The following UBE4A variants were observed in gnomAD, a reference collection of about 807,000 sequenced individuals.
UBE4A encodes the protein ubiquitin conjugation factor E4 A.
A neutral mutation model predicts 117.9 loss-of-function variants in UBE4A; 48 were observed. The observed-to-expected ratio is 0.41, with a 90% confidence interval of 0.32 to 0.52. The LOEUF is 0.52. UBE4A is among the 20% of genes least tolerant of loss of function. UBE4A has a pLI of 0.33. For synonymous variants in UBE4A, 407 were observed against 450.0 expected, an observed-to-expected ratio of 0.90 and a Z score of 1.21; for missense variants, 1,067 against 1,296.3, an observed-to-expected ratio of 0.82 and a Z score of 2.72.
Position 118,398,967 on chromosome 11 carries a change from A to G in UBE4A, c.*2527A>G, listed in dbSNP as rs1331558884. 1.1e-5 allele frequency: 5 copies of G among 446,752 alleles called. No individual in the cohort carries two copies. The highest frequency in any genetic ancestry group is 1.4e-4 in the East Asian group (2 of 14,122). The allele number at this position is 446,752 out of a possible 1,614,324, so 27.7% of individuals were successfully genotyped here. ...CAGCCATTGCACAGAGCATAAGTCT[A>G]CTGGGTGCCTTTACATGCCAGAGGC... On this transcript the variant is annotated 3_prime_UTR_variant, in exon 20 of 20. Coordinates refer to ENST00000252108, the MANE Select transcript of UBE4A (RefSeq NM_001204077.2).
At chr11:118,390,437 AATT>A (rs1414640578) in intron 17 of UBE4A, among the ~76,000 whole-genome samples, 1 of 145,938 alleles carries the variant, frequency 6.9e-6, no homozygotes, top group South Asian at 2.1e-4. Flanking sequence ...AATTTTATAT[AATT>A]ATAATAAAAT....
At chr11:118,365,897 C>T (rs1948558802) in intron 2 of UBE4A, among the ~76,000 whole-genome samples, 1 of 152,184 alleles carries the variant, frequency 6.6e-6, no homozygotes, top group African/African-American at 2.4e-5. Context: ...GAGACATATA[C>T]ACTAGAAGAA....
Position 118,372,623 on chromosome 11 carries a change from T to G in UBE4A, c.678T>G (p.His226Gln). ...TPEIYVDQNI[H>Q]EQLVDLMLEA... ...AGATCTATGTTGACCAAAACATCCATGAGCAACTGGTAGATTTGATGTTAG... is the reference window on the plus strand; with the variant it reads ...AGATCTATGTTGACCAAAACATCCAGGAGCAACTGGTAGATTTGATGTTAG... The change falls in exon 6 of 20, where the codon CAT becomes CAG. Residue 226 changes from histidine to glutamine, a missense_variant. His to Gln is a conservative substitution (Grantham distance 24). This residue lies in a region of UBE4A where 1,001 missense variants were observed against 1,184.0 expected (regional missense o/e 0.85). Transcript: ENST00000252108. 1 of 1,614,198 alleles carries G rather than the reference T, an allele frequency of 6.2e-7. No homozygotes were observed. Among genetic ancestry groups the G allele is most frequent in the Non-Finnish European group, 8.5e-7 (1 of 1,180,034 alleles).
Position 118,373,150 on chromosome 11 carries a change from T to C in UBE4A, c.786T>C (p.Val262=), listed in dbSNP as rs745505890. 2.5e-6 allele frequency: 4 copies of C among 1,614,118 alleles called. No individual in the cohort carries two copies. The highest frequency in any genetic ancestry group is 3.4e-6 in the Non-Finnish European group (4 of 1,180,016). The change falls in exon 7 of 20, where the codon GTT becomes GTC. Residue 262 remains valine (V), a synonymous_variant. Transcript: ENST00000252108. ...AAGCCTTGATATTGGATGAGGAAGT[T>C]AGAACATTTCCAGAAGTCATGATTC... ...VIEALILDEE[V]RTFPEVMIPV...
rs868996016 is a variant in UBE4A, at chr11:118,396,074, G to A, written c.3075-240G>A. 3.3e-4 allele frequency among the ~76,000 whole-genome samples: 48 copies of A among 146,716 alleles called. No individual in the cohort carries two copies. In the East Asian group the frequency reaches 8.8e-3, roughly 27 times the overall value. On this transcript the variant is annotated intron_variant, in intron 19 of 19. Transcript: ENST00000252108. ...TGGGTGCCACTGCACCAGCCTGGGC[G>A]ACAGGGCAAGACTGTCTCCAAAAAA...
intron 15 of UBE4A, among the ~76,000 whole-genome samples, chr11:118,385,841 G>A (rs59659089): frequency 1.9e-3 from 282 of 152,324 alleles, no homozygotes; most frequent in African/African-American, 6.6e-3. Flanking sequence ...CTTCAAAAGC[G>A]AGAATAGGTC....
Position 118,375,687 on chromosome 11 carries a change from G to GA in UBE4A, c.1450+469dup, listed in dbSNP as rs782817548. Among the ~76,000 whole-genome samples the GA allele has an allele frequency of 4.0e-3, 573 of 144,712 alleles. 3 individuals are homozygous for GA. The highest frequency in any genetic ancestry group is 0.013 in the African/African-American group (500 of 39,732). The allele number at this position is 144,712 out of a possible 152,430, so 94.9% of individuals were successfully genotyped here. A position where few individuals can be genotyped will look rare whatever the true frequency, so the allele number is the denominator to read the frequency against. On this transcript the variant is annotated intron_variant, in intron 9 of 19. Transcript: ENST00000252108. ...ATTTTTAAAAGACAGATGTTTGAGA[G>GA]AAAAAAAAAAACACCTGGTAGCTTT...
At position 118,389,776 on chromosome 11, in the gene UBE4A, T is replaced by C. The variant is rs1555127920; in HGVS notation, c.2639T>C (p.Met880Thr). ...TTCCTGGCTGAGCGCATCATCTCCA[T>C]GTTGAACTACTTCCTGCAACACCTG... The part of the protein sequence containing the change: ...HPFLAERIIS[M>T]LNYFLQHLVG... Residue 880 changes from methionine (M) to threonine (T), a missense_variant, in exon 17 of 20, where the codon ATG becomes ACG. Physicochemically the swap from Met to Thr is moderately conservative, Grantham distance 81 (BLOSUM62 -1). Transcript: ENST00000252108. The C allele has an allele frequency of 1.9e-6, 3 of 1,613,818 alleles. No homozygotes were observed. Among genetic ancestry groups the C allele is most frequent in the African/African-American group, 2.7e-5 (2 of 74,916 alleles).
chr11:118,392,612 G>A (rs1948829740), intron 18 of UBE4A, 126 bp from the exon 19 acceptor site: 2 of 851,842 alleles, frequency 2.3e-6, no homozygotes, highest in Non-Finnish European at 3.5e-6. Flanking sequence ...GTGTGTCACT[G>A]TCACTGTCAA....
intron 2 of UBE4A, among the ~76,000 whole-genome samples, chr11:118,366,075 A>AC (rs1173481175): frequency 2.7e-5 from 4 of 150,034 alleles, no homozygotes; most frequent in Non-Finnish European, 5.9e-5. Context: ...AAAAAAAAAA[A>AC]CACTCAGGTG....
rs775074327 is a variant in UBE4A, at chr11:118,369,548, C to A, written c.408+13C>A. 9 of 1,603,244 alleles carry A rather than the reference C, an allele frequency of 5.6e-6. No individual in the cohort carries two copies. Among genetic ancestry groups the A allele is most frequent in the Admixed American group, 3.3e-5 (2 of 59,938 alleles). On this transcript the variant is annotated intron_variant, in intron 4 of 19. Transcript: ENST00000252108. ...CAATGTTGAGCAGGTAATATTCTTA[C>A]GTTCCTAATGTGTGCCCTTAGCAAA... is the stretch of plus-strand genomic sequence containing the variant.
At chr11:118,384,570 A>T in intron 13 of UBE4A, 65 bp from the exon 14 acceptor site, 1 of 1,444,802 alleles carries the variant, frequency 6.9e-7, no homozygotes, top group East Asian at 2.3e-5. Flanking sequence ...ATGGCTACAC[A>T]TAAGCATAAA....
Position 118,379,588 on chromosome 11 carries a change from A to C in UBE4A, c.1714A>C (p.Lys572Gln). ...ACTGATGACCATCTATCTTTCTACC[A>C]AGACTGCCATGACAGAGCCACAAAT... ...ERLMTIYLST[K>Q]TAMTEPQMLQ... Residue 572 changes from lysine (K) to glutamine (Q), a missense_variant, in exon 11 of 20, where the codon AAG becomes CAG. Coordinates refer to ENST00000252108, the MANE Select transcript of UBE4A (RefSeq NM_001204077.2). 6.2e-7 allele frequency: 1 copy of C among 1,614,200 alleles called. No homozygotes were observed. Among genetic ancestry groups the C allele is most frequent in the Non-Finnish European group, 8.5e-7 (1 of 1,180,022 alleles).
chr11:118,372,949 A>G (rs1332917157), intron 6 of UBE4A, 137 bp from the exon 7 acceptor site: 2 of 883,964 alleles, frequency 2.3e-6, no homozygotes, highest in Admixed American at 5.8e-5. Context: ...TAGCCACTAC[A>G]CTCCAGGCTG....
At chr11:118,383,582 C>A (rs1948726356) in intron 13 of UBE4A, among the ~76,000 whole-genome samples, 1 of 144,572 alleles carries the variant, frequency 6.9e-6, no homozygotes, top group East Asian at 2.0e-4. Context: ...AGCAAGAAAT[C>A]CCTCTCAAAA....
chr11:118,365,338 C>G, intron 2 of UBE4A, 137 bp downstream of exon 2: 1 of 1,292,414 alleles, frequency 7.7e-7, no homozygotes. Context: ...TTGTTGAGAG[C>G]AGAAATTGGG....
chr11:118,390,687 C>T lies in UBE4A; in HGVS notation c.2799C>T (p.Pro933=). The T allele has an allele frequency of 6.4e-7, 1 of 1,551,612 alleles. No individual in the cohort carries two copies. The highest frequency in any genetic ancestry group is 8.7e-7 in the Non-Finnish European group (1 of 1,152,312). ...GDEENFCATV[P]KDGRSYSPTL... ...AGGAGAATTTCTGTGCCACTGTGCC[C>T]AAGGATGGACGTTCCTATTCCCCAA... is the stretch of plus-strand genomic sequence containing the variant. The change falls in exon 18 of 20, where the codon CCC becomes CCT. Residue 933 remains proline, a synonymous_variant. Transcript: ENST00000252108.
chr11:118,364,857 G>C (rs1232188293), intron 1 of UBE4A, among the ~76,000 whole-genome samples, 183 bp from the exon 2 acceptor site: 2 of 152,274 alleles, frequency 1.3e-5, no homozygotes, highest in East Asian at 3.9e-4. Flanking sequence ...ACCGAGTCCA[G>C]CTGGTAGGTT....
At chr11:118,384,776 C>T (rs782072719) in intron 14 of UBE4A, 41 bp downstream of exon 14, 20 of 1,609,918 alleles carry the variant, frequency 1.2e-5, no homozygotes, top group Admixed American at 5.0e-5. Flanking sequence ...TTATATAAGC[C>T]CTAATGAGTT....
Sources: gnomAD v4.1 joint callset for allele counts (sites outside exome capture counted in the v4.1 genomes callset) on GRCh38, gnomAD v4.1.1 for gene constraint, gnomAD v4.1.1 regional missense constraint, MANE v1.5 for transcripts, NCBI Gene and HGNC (gene_info 2026-07-23, HGNC 2026-07-21) for gene names.